KAT6A: variants seen among roughly 807,000 people sequenced by gnomAD.
KAT6A encodes the protein histone acetyltransferase KAT6A.
In KAT6A, 9 loss-of-function variants were observed where a neutral mutation model predicts 198.4. The ratio of observed to expected loss-of-function variants is 0.05; its 90% CI spans 0.03 to 0.08. The LOEUF (loss-of-function observed/expected upper bound fraction) is 0.08, where lower values mean the gene tolerates loss of function less well. Ranked by LOEUF, KAT6A falls within the 10% of genes least tolerant of loss-of-function variation. The probability of loss-of-function intolerance (pLI) is 1.00; values close to 1 mark genes in which losing one functional copy is unlikely to be tolerated. For missense variants in KAT6A, 2,077 were observed against 2,509.9 expected (o/e 0.83, Z 3.69); for synonymous variants, 890 against 883.0 (o/e 1.01, Z -0.14).
rs1294099509 is a variant in KAT6A, at chr8:41,947,675, T to A, written c.1902+76A>T. 5.0e-6 allele frequency: 6 copies of A among 1,205,114 alleles called. No homozygotes were observed. The East Asian group carries it at 1.4e-4, about 29-fold the overall frequency. 74.7% of individuals were successfully genotyped at this position (1,205,114 alleles called of 1,614,324 possible). A position where few individuals can be genotyped will look rare whatever the true frequency, so the allele number is the denominator to read the frequency against. On this transcript the variant is annotated intron_variant, in intron 11 of 16. Transcript: ENST00000265713. ...CTAGGAGGTGCTGCATCTTGTTGTG[T>A]CCCCGAGTGAGAACCAGCAAAGATT...
chr8:42,046,601 C>G (rs1802315407), intron 2 of KAT6A, among the ~76,000 whole-genome samples: 1 of 152,168 alleles, frequency 6.6e-6, no homozygotes, highest in East Asian at 1.9e-4. Flanking sequence ...AGGTATGGCA[C>G]TGAACTGATC....
chr8:42,034,604 T>C (rs1827280651), intron 2 of KAT6A, among the ~76,000 whole-genome samples: 1 of 152,220 alleles, frequency 6.6e-6, no homozygotes, highest in South Asian at 2.1e-4. Context: ...ACTTTACATA[T>C]TCTGTACTGT....
Position 41,946,704 on chromosome 8 carries a change from T to A in KAT6A, c.1903-20A>T. On this transcript the variant is annotated intron_variant, in intron 11 of 16. Transcript: ENST00000265713. ...CTTTTCCTGGTGGAGAAAACACAAG[T>A]CAAGTTTGAAAACAGGCTGGTAAAA... The A allele has an allele frequency of 7.0e-7, 1 of 1,438,194 alleles. No individual in the cohort carries two copies. Among genetic ancestry groups the A allele is most frequent in the Non-Finnish European group, 9.8e-7 (1 of 1,021,182 alleles). 89.1% of individuals were successfully genotyped at this position (1,438,194 alleles called of 1,614,324 possible).
At chr8:42,014,063 T>C (rs1041023329) in intron 2 of KAT6A, among the ~76,000 whole-genome samples, 15 of 152,158 alleles carry the variant, frequency 9.9e-5, no homozygotes, top group Admixed American at 9.2e-4. Flanking sequence ...CTGAATTACA[T>C]ATGATTTGCA....
intron 2 of KAT6A, among the ~76,000 whole-genome samples, chr8:42,013,707 A>G (rs947335822): frequency 9.2e-5 from 14 of 152,150 alleles, no homozygotes; most frequent in African/African-American, 2.7e-4. Flanking sequence ...TTATTTATTA[A>G]CCTATTTTAT....
chr8:41,938,865 T>C (rs1251228902), intron 15 of KAT6A, among the ~76,000 whole-genome samples: 2 of 150,680 alleles, frequency 1.3e-5, no homozygotes, highest in Non-Finnish European at 2.9e-5. Context: ...GAGCGTTGCT[T>C]GCATCCCAGG....
At chr8:41,975,070 A>T (rs1823982539) in intron 7 of KAT6A, among the ~76,000 whole-genome samples, 1 of 152,216 alleles carries the variant, frequency 6.6e-6, no homozygotes, top group Non-Finnish European at 1.5e-5. Flanking sequence ...ACTTCATTAA[A>T]GATTACATTT....
intron 8 of KAT6A, among the ~76,000 whole-genome samples, chr8:41,972,782 A>C (rs1195304648): frequency 6.6e-6 from 1 of 152,238 alleles, no homozygotes; most frequent in Non-Finnish European, 1.5e-5. Context: ...TGTTTTTAGG[A>C]AATACACACA....
chr8:42,013,512 C>T (rs370746181), intron 2 of KAT6A, among the ~76,000 whole-genome samples: 3 of 152,228 alleles, frequency 2.0e-5, no homozygotes, highest in Non-Finnish European at 4.4e-5. Flanking sequence ...GGATTACAGG[C>T]GTAAGCCACC....
intron 5 of KAT6A, among the ~76,000 whole-genome samples, chr8:41,979,583 C>CAA (rs925788705): frequency 6.9e-6 from 1 of 145,462 alleles, no homozygotes; most frequent in African/African-American, 2.5e-5. Flanking sequence ...ATTCCAACTC[C>CAA]AAAAAAAAAA....
chr8:42,009,448 GA>G (rs1825904169), intron 2 of KAT6A, among the ~76,000 whole-genome samples: 1 of 150,276 alleles, frequency 6.7e-6, no homozygotes, highest in African/African-American at 2.5e-5. Context: ...AGTTTAAAAA[GA>G]AAAAAACACC....
intron 2 of KAT6A, among the ~76,000 whole-genome samples, chr8:42,036,994 G>C (rs980472946): frequency 1.3e-5 from 2 of 152,092 alleles, no homozygotes; most frequent in African/African-American, 4.8e-5. Context: ...TGCTTCTTCT[G>C]TCTTCTGACT....
chr8:41,980,781 T>C, intron 5 of KAT6A, 65 bp downstream of exon 5: 2 of 1,076,012 alleles, frequency 1.9e-6, no homozygotes, highest in Non-Finnish European at 2.9e-6. Flanking sequence ...ACAAAGTAGA[T>C]AAAATGTGCT....
intron 2 of KAT6A, among the ~76,000 whole-genome samples, chr8:41,992,662 T>C (rs147565658): frequency 1.3e-5 from 2 of 152,284 alleles, no homozygotes; most frequent in African/African-American, 4.8e-5. Context: ...TGTATCACTT[T>C]AGCAGTCTGG....
chr8:41,992,310 G>A (rs908917715), intron 2 of KAT6A, among the ~76,000 whole-genome samples: 1 of 152,288 alleles, frequency 6.6e-6, no homozygotes, highest in Non-Finnish European at 1.5e-5. Flanking sequence ...AAAGTCACAG[G>A]ACCAACAAAC....
intron 8 of KAT6A, among the ~76,000 whole-genome samples, chr8:41,970,709 A>G (rs1355207348): frequency 6.6e-6 from 1 of 152,228 alleles, no homozygotes; most frequent in Non-Finnish European, 1.5e-5. Flanking sequence ...TGACCCAGTC[A>G]TCCCATTACT....
At chr8:41,940,328 T>A (rs537358091) in intron 15 of KAT6A, among the ~76,000 whole-genome samples, 1 of 152,206 alleles carries the variant, frequency 6.6e-6, no homozygotes, top group Non-Finnish European at 1.5e-5. Flanking sequence ...ACTGGAGGGA[T>A]GTGTGAGAAG....
chr8:41,958,068 G>A (rs1823014878), intron 8 of KAT6A: 1 of 152,194 alleles, frequency 6.6e-6, no homozygotes, highest in Admixed American at 6.5e-5. Flanking sequence ...TCAGTGTGAG[G>A]CTGGGAATGT....
Position 41,949,315 on chromosome 8 carries a change from A to G in KAT6A, c.1647T>C (p.Ser549=), listed in dbSNP as rs1587730561. ...LCEFCLKYMK[S]RTILQQHMKK... ...TCATGTGCTGCTGCAGAATAGTTCT[A>G]CTTTTCATATATTTTAGACAAAATT... The change falls in exon 10 of 17, where the codon AGT becomes AGC. Residue 549 remains serine, a synonymous_variant. Coordinates refer to ENST00000265713, the MANE Select transcript of KAT6A (RefSeq NM_006766.5). 6.4e-7 allele frequency: 1 copy of G among 1,572,122 alleles called. No homozygotes were observed. The highest frequency in any genetic ancestry group is 1.2e-5 in the South Asian group (1 of 82,512).
Sources: gnomAD v4.1 joint callset for allele counts (sites outside exome capture counted in the v4.1 genomes callset) on GRCh38, gnomAD v4.1.1 for gene constraint, MANE v1.5 for transcripts, NCBI Gene and HGNC (gene_info 2026-07-23, HGNC 2026-07-21) for gene names.